Variants in TACC2 observed in about 807,000 individuals in gnomAD.
TACC2 encodes the protein transforming acidic coiled-coil containing protein 2, also known as transforming acidic coiled-coil-containing protein 2.
Under a neutral mutation model 227.3 loss-of-function variants are expected in TACC2, and 137 were observed. That is an observed-to-expected ratio of 0.60 (90% CI 0.52 to 0.69). The LOEUF is 0.69. TACC2 is among the 30% of genes least tolerant of loss of function. TACC2 has a pLI of 0.00. For synonymous variants in TACC2, 1,523 were observed against 1,487.5 expected (o/e 1.02, Z -0.55); for missense variants, 3,470 against 3,694.4 (o/e 0.94, Z 1.57).
intron 7 of TACC2, among the ~76,000 whole-genome samples, chr10:122,170,894 G>A (rs868333594): frequency 2.0e-5 from 3 of 152,120 alleles, no homozygotes; most frequent in Admixed American, 6.6e-5. Context: ...CTTCTGCTCC[G>A]TCCCTTGGCT....
intron 2 of TACC2, among the ~76,000 whole-genome samples, chr10:122,049,555 C>CA (rs1200187729): frequency 6.6e-6 from 1 of 152,138 alleles, no homozygotes; most frequent in Non-Finnish European, 1.5e-5. Flanking sequence ...AGGCAGACCC[C>CA]ATCCCAGAAC....
intron 3 of TACC2, among the ~76,000 whole-genome samples, chr10:122,073,574 C>T (rs1371672045): frequency 6.6e-6 from 1 of 152,154 alleles, no homozygotes; most frequent in African/African-American, 2.4e-5. Flanking sequence ...TGTGGCCCAT[C>T]ATCCTACTAA....
rs1286557631 is a variant in TACC2, at chr10:122,194,154, C to T, written c.5835-886C>T. Among the ~76,000 whole-genome samples the T allele has an allele frequency of 6.6e-6, 1 of 152,164 alleles. No individual in the cohort carries two copies. The highest frequency in any genetic ancestry group is 1.9e-4 in the East Asian group (1 of 5,188). ...GCCCAGGCTGGTCTCAAATGCCTGA[C>T]ATCAAGCGATCCTCCCACCTGAGTC... is the stretch of plus-strand genomic sequence containing the variant. On this transcript the variant is annotated intron_variant, in intron 7 of 22. Coordinates refer to ENST00000369005, the MANE Select transcript of TACC2 (RefSeq NM_206862.4). The surrounding 1 kb of genome is among the most constrained non-coding windows in gnomAD (Gnocchi z 4.4).
At chr10:121,994,995 T>G (rs1288975996) in intron 1 of TACC2, among the ~76,000 whole-genome samples, 2 of 152,216 alleles carry the variant, frequency 1.3e-5, no homozygotes, top group African/African-American at 4.8e-5. Context: ...TACTGGAATT[T>G]CTTCTGGCCT....
chr10:122,055,460 C>T (rs899723077), intron 3 of TACC2, among the ~76,000 whole-genome samples: 6 of 152,246 alleles, frequency 3.9e-5, no homozygotes, highest in African/African-American at 1.2e-4. Flanking sequence ...AACACAGGAA[C>T]AGAAAAGCAA....
rs2095226766 is a variant in TACC2 at position 122,209,259 on chromosome 10, A to G, written c.5972-1138A>G. The stretch of plus-strand genomic sequence containing the variant: ...CGGCAGGTGGCAGACAGCAAGTGCT[A>G]CTACAGGTGCCGGGGGCCTCCGTGT... On this transcript the variant is annotated intron_variant, in intron 8 of 22. Transcript: ENST00000369005. This position sits in a 1 kb window ranked among gnomAD's most constrained non-coding sequence, Gnocchi z 4.5. 6.6e-6 allele frequency among the ~76,000 whole-genome samples: 1 copy of G among 152,184 alleles called. No homozygotes were observed. The highest frequency in any genetic ancestry group is 1.5e-5 in the Non-Finnish European group (1 of 68,026).
chr10:122,155,936 C>T (rs925321897), intron 7 of TACC2, among the ~76,000 whole-genome samples: 3 of 148,588 alleles, frequency 2.0e-5, no homozygotes, highest in African/African-American at 5.0e-5. Context: ...CTCCCGGGCT[C>T]ACACCATTCT....
intron 5 of TACC2, among the ~76,000 whole-genome samples, chr10:122,108,135 C>T (rs575825715): frequency 6.6e-6 from 1 of 151,888 alleles, no homozygotes; most frequent in Admixed American, 6.6e-5. Flanking sequence ...TCGTGATCCA[C>T]CCGCCTCAGC....
In TACC2 at chr10:122,216,730, G is replaced by T. The variant is rs1256793659; in HGVS notation, c.7448G>T (p.Cys2483Phe). The T allele has an allele frequency of 3.1e-6, 5 of 1,614,160 alleles. No homozygotes were observed. The Admixed American group carries it at 8.3e-5, about 27-fold the overall frequency. Residue 2483 changes from cysteine (C) to phenylalanine (F), a missense_variant, in exon 11 of 23, where the codon TGC becomes TTC. Transcript: ENST00000369005. ...KLAVTNQKWTCMTVDLEADKQ... is the reference protein window; with the variant it reads ...KLAVTNQKWTFMTVDLEADKQ... ...GCGGTCACCAACCAGAAGTGGACGTGCATGACAGTGGACCTAGAGGCTGAC... is the reference window on the plus strand; with the variant it reads ...GCGGTCACCAACCAGAAGTGGACGTTCATGACAGTGGACCTAGAGGCTGAC...
chr10:122,036,874 C>G (rs889489256), intron 2 of TACC2, among the ~76,000 whole-genome samples: 5 of 152,220 alleles, frequency 3.3e-5, no homozygotes, highest in African/African-American at 1.2e-4. Flanking sequence ...TCCACAGCAG[C>G]TGCACCATTT....
chr10:122,009,713 G>A (rs991499927), intron 1 of TACC2, among the ~76,000 whole-genome samples: 1 of 152,208 alleles, frequency 6.6e-6, no homozygotes, highest in African/African-American at 2.4e-5. Context: ...GGATCACAAG[G>A]TCAGGAGAGT....
chr10:122,249,498 A>G lies in TACC2; in HGVS notation c.8661-46A>G, dbSNP rs201408171. On this transcript the variant is annotated intron_variant, in intron 21 of 22. Transcript: ENST00000369005. Reference sequence around the variant, plus strand: ...GACCTGGGAAGCAGGAGGTGTCTCTAGTGATCCACAAAAGAGTGATAATTC... The same window carrying G: ...GACCTGGGAAGCAGGAGGTGTCTCTGGTGATCCACAAAAGAGTGATAATTC... 5.6e-6 allele frequency: 9 copies of G among 1,600,444 alleles called. No individual in the cohort carries two copies. In the East Asian group the frequency reaches 1.8e-4, roughly 32 times the overall value.
At chr10:122,248,468 T>C (rs1200921368) in intron 19 of TACC2, 175 bp from the exon 20 acceptor site, 1 of 714,520 alleles carries the variant, frequency 1.4e-6, no homozygotes. Flanking sequence ...CTGGTTTTTG[T>C]TCTGTTAGAG....
intron 6 of TACC2, among the ~76,000 whole-genome samples, chr10:122,136,990 C>G (rs2089796951): frequency 6.6e-6 from 1 of 152,154 alleles, no homozygotes; most frequent in Non-Finnish European, 1.5e-5. Flanking sequence ...GTGCCCTGCC[C>G]TCTAGTTTCA....
intron 5 of TACC2, among the ~76,000 whole-genome samples, chr10:122,130,554 A>T (rs753378783): frequency 7.9e-5 from 12 of 152,058 alleles, no homozygotes; most frequent in Non-Finnish European, 1.3e-4. Flanking sequence ...AAGTGTTGGG[A>T]TTACAGGCAT....
At chr10:122,154,240 G>A (rs1475926982) in intron 7 of TACC2, among the ~76,000 whole-genome samples, 3 of 152,226 alleles carry the variant, frequency 2.0e-5, no homozygotes, top group African/African-American at 4.8e-5. Flanking sequence ...GCTCCCTCTT[G>A]GAGCCAAACT....
At chr10:122,129,966 A>T (rs907802800) in intron 5 of TACC2, among the ~76,000 whole-genome samples, 2 of 152,228 alleles carry the variant, frequency 1.3e-5, no homozygotes, top group Admixed American at 6.5e-5. Flanking sequence ...AAGGCACTTT[A>T]TGGCTGAACA....
chr10:122,177,946 A>T (rs7078370), intron 7 of TACC2, among the ~76,000 whole-genome samples: 2 of 151,948 alleles, frequency 1.3e-5, no homozygotes, highest in Admixed American at 6.5e-5. Flanking sequence ...AAGTCTGCCA[A>T]GATCGAAGAT....
intron 5 of TACC2, among the ~76,000 whole-genome samples, chr10:122,117,333 A>G (rs926237783): frequency 1.3e-5 from 2 of 151,652 alleles, no homozygotes; most frequent in African/African-American, 4.9e-5. Flanking sequence ...AGCTGGGACT[A>G]CAGGTGTGCA....
Sources: gnomAD v4.1 joint callset for allele counts (sites outside exome capture counted in the v4.1 genomes callset) on GRCh38, gnomAD v4.1.1 for gene constraint, Gnocchi (gnomAD v3.1) non-coding constraint, MANE v1.5 for transcripts, NCBI Gene and HGNC (gene_info 2026-07-23, HGNC 2026-07-21) for gene names.